DMRT1: variants seen among roughly 807,000 people sequenced by gnomAD.
DMRT1 encodes the protein doublesex and mab-3 related transcription factor 1.
Under a neutral mutation model 32.3 loss-of-function variants are expected in DMRT1, and 7 were observed. The observed-to-expected ratio is 0.22, with a 90% CI of 0.12 to 0.41. The LOEUF is 0.41. Ranked by LOEUF, DMRT1 falls within the 10% of genes least tolerant of loss-of-function variation. The pLI is 1.00. For missense variants in DMRT1, 625 were observed against 500.5 expected, an observed-to-expected ratio of 1.25 and a Z score of -2.37; for synonymous variants, 278 against 206.1, an observed-to-expected ratio of 1.35 and a Z score of -2.99.
intron 4 of DMRT1, among the ~76,000 whole-genome samples, chr9:951,888 A>G (rs1432882775): frequency 6.6e-6 from 1 of 152,220 alleles, no homozygotes; most frequent in African/African-American, 2.4e-5. Context: ...GCCAGTTTGA[A>G]GCACTTACTG....
chr9:848,219 A>G (rs912441443), intron 2 of DMRT1, among the ~76,000 whole-genome samples: 3 of 152,200 alleles, frequency 2.0e-5, no homozygotes, highest in African/African-American at 7.2e-5. Flanking sequence ...ACAACTATAT[A>G]TTATTAACTA....
chr9:919,000 G>C (rs1052081152), intron 4 of DMRT1, among the ~76,000 whole-genome samples: 3 of 152,174 alleles, frequency 2.0e-5, no homozygotes, highest in South Asian at 2.1e-4. Context: ...TGTTCTTTGA[G>C]AGCATGTTAG....
chr9:956,563 C>CAAAAAAAAA, intron 4 of DMRT1, among the ~76,000 whole-genome samples: 1 of 84,220 alleles, frequency 1.2e-5, no homozygotes, highest in African/African-American at 4.4e-5. Context: ...GACCCTGTCT[C>CAAAAAAAAA]AAAAAAAAAA....
chr9:906,545 T>G (rs1201032224), intron 3 of DMRT1, among the ~76,000 whole-genome samples: 1 of 152,222 alleles, frequency 6.6e-6, no homozygotes, highest in Non-Finnish European at 1.5e-5. Flanking sequence ...GGGTCACTAG[T>G]TTTGTCTAAA....
At chr9:924,045 G>C (rs1037674201) in intron 4 of DMRT1, among the ~76,000 whole-genome samples, 1 of 151,232 alleles carries the variant, frequency 6.6e-6, no homozygotes, top group African/African-American at 2.4e-5. Context: ...CCCAGCTCTG[G>C]AGCCAGTAGT....
intron 2 of DMRT1, among the ~76,000 whole-genome samples, chr9:851,117 A>T (rs1303162982): frequency 6.6e-6 from 1 of 152,028 alleles, no homozygotes; most frequent in East Asian, 1.9e-4. Flanking sequence ...AGGAGTTGTC[A>T]TGGAATAGTA....
rs1659662179 is a variant in DMRT1 at position 965,647 on chromosome 9, T to C, written c.968-2338T>C. Among the ~76,000 whole-genome samples, 1 of 152,252 alleles carries C rather than the reference T, an allele frequency of 6.6e-6. No individual in the cohort carries two copies. The highest frequency in any genetic ancestry group is 6.5e-5 in the Admixed American group (1 of 15,280). ...CTAACTGGAAACAGGCCCAGGGCTC[T>C]GAACATGTTGGGAGAACACATACCT... On this transcript the variant is annotated intron_variant, in intron 4 of 4. Transcript: ENST00000382276. This position sits in a 1 kb window ranked among gnomAD's most constrained non-coding sequence, Gnocchi z 4.5.
intron 2 of DMRT1, among the ~76,000 whole-genome samples, chr9:849,277 A>T (rs764911529): frequency 2.0e-5 from 3 of 152,162 alleles, no homozygotes; most frequent in Admixed American, 2.0e-4. Context: ...GAAAATGGAC[A>T]CTTAACGATT....
intron 4 of DMRT1, among the ~76,000 whole-genome samples, chr9:953,913 G>T (rs935545090): frequency 2.6e-5 from 4 of 152,190 alleles, no homozygotes; most frequent in Admixed American, 2.0e-4. Context: ...CCCTCCTCTG[G>T]TCTGTAGGGG....
chr9:844,888 T>C (rs1453421048), intron 1 of DMRT1, among the ~76,000 whole-genome samples: 1 of 151,974 alleles, frequency 6.6e-6, no homozygotes, highest in East Asian at 1.9e-4. Flanking sequence ...ACCCGGTTAA[T>C]TTTTGTATTT....
chr9:961,324 T>C (rs1361189821), intron 4 of DMRT1, among the ~76,000 whole-genome samples: 2 of 152,150 alleles, frequency 1.3e-5, no homozygotes, highest in Admixed American at 6.5e-5. Context: ...TAATTGTAGA[T>C]TAGGAACAGA....
intron 3 of DMRT1, among the ~76,000 whole-genome samples, chr9:912,658 G>A (rs190717264): frequency 1.9e-4 from 29 of 152,260 alleles, no homozygotes; most frequent in Admixed American, 1.4e-3. Flanking sequence ...GATTGGCAGC[G>A]TTAGCCAGTC....
intron 4 of DMRT1, among the ~76,000 whole-genome samples, chr9:939,464 C>T (rs532643250): frequency 1.7e-4 from 26 of 152,230 alleles, no homozygotes; most frequent in Admixed American, 2.6e-4. Flanking sequence ...GTTAATTTAC[C>T]GTGGCCAGTC....
At chr9:893,104 C>T (rs1010353610) in intron 2 of DMRT1, among the ~76,000 whole-genome samples, 3 of 152,084 alleles carry the variant, frequency 2.0e-5, no homozygotes, top group African/African-American at 4.8e-5. Flanking sequence ...TTCCCATCTT[C>T]TATCCTAGAC....
intron 2 of DMRT1, among the ~76,000 whole-genome samples, chr9:892,117 G>T (rs1381339700): frequency 6.6e-6 from 1 of 152,128 alleles, no homozygotes; most frequent in African/African-American, 2.4e-5. Flanking sequence ...AAACCGCAAG[G>T]CCCTGAAGAC....
chr9:964,391 C>T (rs1586672080), intron 4 of DMRT1, among the ~76,000 whole-genome samples: 1 of 152,184 alleles, frequency 6.6e-6, no homozygotes, highest in African/African-American at 2.4e-5. Context: ...GACAAATAGG[C>T]TTCTTGAGAG....
intron 4 of DMRT1, among the ~76,000 whole-genome samples, chr9:944,831 A>G (rs1819190403): frequency 6.6e-6 from 1 of 152,148 alleles, no homozygotes; most frequent in Non-Finnish European, 1.5e-5. Context: ...GGTGTTTCAA[A>G]CATAGGCACT....
chr9:876,090 C>T (rs901113066), intron 2 of DMRT1, among the ~76,000 whole-genome samples: 7 of 152,166 alleles, frequency 4.6e-5, no homozygotes, highest in Non-Finnish European at 8.8e-5. Context: ...TTTGGTGGAG[C>T]AGTTAGCCCT....
At chr9:851,262 A>G (rs1166244225) in intron 2 of DMRT1, among the ~76,000 whole-genome samples, 1 of 152,046 alleles carries the variant, frequency 6.6e-6, no homozygotes, top group Non-Finnish European at 1.5e-5. Flanking sequence ...TTTTTGAGAC[A>G]CAGTCTCGCT....
Sources: allele counts gnomAD v4.1 joint callset (sites outside exome capture counted in the v4.1 genomes callset), GRCh38; gene constraint gnomAD v4.1.1; non-coding constraint Gnocchi (gnomAD v3.1); transcripts MANE v1.5; gene names NCBI Gene and HGNC (gene_info 2026-07-23, HGNC 2026-07-21).